SLC24A2: variants seen among roughly 807,000 people sequenced by gnomAD.
The protein encoded by SLC24A2 is solute carrier family 24 member 2.
In SLC24A2, 36 loss-of-function variants were observed where a neutral mutation model predicts 62.0. The ratio of observed to expected loss-of-function variants is 0.58; its 90% CI spans 0.44 to 0.77. SLC24A2 has a LOEUF of 0.77. Ranked by LOEUF, SLC24A2 falls within the 30% of genes least tolerant of loss-of-function variation. The pLI is 0.00. For synonymous variants in SLC24A2, 358 were observed against 294.0 expected (o/e 1.22, Z -2.23); for missense variants, 846 against 817.9 (o/e 1.03, Z -0.42).
At chr9:20,258,800 C>CT in the SLC24A2 span, among the ~76,000 whole-genome samples, 1 of 128,836 alleles carries the variant, frequency 7.8e-6, no homozygotes, top group South Asian at 3.3e-4. Flanking sequence ...ATCTATCTAT[C>CT]TATCTATCTA....
At chr9:20,154,385 G>A in the SLC24A2 span, among the ~76,000 whole-genome samples, 2 of 151,744 alleles carry the variant, frequency 1.3e-5, no homozygotes, top group Non-Finnish European at 2.9e-5. Context: ...TGATTGGTGG[G>A]ACAGATGAAA....
the SLC24A2 span, among the ~76,000 whole-genome samples, chr9:20,189,162 C>G: frequency 6.7e-6 from 1 of 148,864 alleles, no homozygotes; most frequent in African/African-American, 2.5e-5. Flanking sequence ...TTGGGAAAAG[C>G]AAGAAGTTGG....
chr9:19,854,754 A>G, the SLC24A2 span, among the ~76,000 whole-genome samples: 2 of 152,144 alleles, frequency 1.3e-5, no homozygotes, highest in Non-Finnish European at 2.9e-5. Flanking sequence ...GTGCTGAAAA[A>G]ATATATATTC....
chr9:20,162,466 T>C, the SLC24A2 span, among the ~76,000 whole-genome samples: 1 of 151,952 alleles, frequency 6.6e-6, no homozygotes, highest in African/African-American at 2.4e-5. Context: ...AATAACAGGC[T>C]CTGAAATTGT....
the SLC24A2 span, among the ~76,000 whole-genome samples, chr9:20,050,794 T>A: frequency 6.6e-6 from 1 of 152,186 alleles, no homozygotes; most frequent in African/African-American, 2.4e-5. Context: ...GTGATGCAAC[T>A]AATATAAAGC....
intron 2 of SLC24A2, among the ~76,000 whole-genome samples, chr9:19,631,752 G>A (rs1818185137): frequency 6.6e-6 from 1 of 152,142 alleles, no homozygotes; most frequent in Non-Finnish European, 1.5e-5. Context: ...CTACAGTATG[G>A]TCAGCGGAAA....
At chr9:20,072,505 T>C in the SLC24A2 span, among the ~76,000 whole-genome samples, 4 of 152,202 alleles carry the variant, frequency 2.6e-5, no homozygotes, top group South Asian at 2.1e-4. Context: ...TATATGTATA[T>C]GGTTATATAG....
At chr9:19,563,378 T>TA (rs1408260440) in intron 7 of SLC24A2, among the ~76,000 whole-genome samples, 1 of 149,530 alleles carries the variant, frequency 6.7e-6, no homozygotes, top group Non-Finnish European at 1.5e-5. Context: ...ACCTGACTGT[T>TA]ACCCCTTAAT....
chr9:19,573,104 G>A (rs1397081157), intron 7 of SLC24A2, among the ~76,000 whole-genome samples: 1 of 152,176 alleles, frequency 6.6e-6, no homozygotes, highest in East Asian at 1.9e-4. Context: ...TGATGCATGA[G>A]TCCTTCAACC....
intron 8 of SLC24A2, among the ~76,000 whole-genome samples, chr9:19,541,835 C>T (rs951974894): frequency 6.6e-6 from 1 of 151,202 alleles, no homozygotes; most frequent in Non-Finnish European, 1.5e-5. Context: ...TGATCTCAGA[C>T]TGCTGTGCTA....
At chr9:20,065,478 C>A in the SLC24A2 span, among the ~76,000 whole-genome samples, 3 of 152,256 alleles carry the variant, frequency 2.0e-5, no homozygotes, top group African/African-American at 7.2e-5. Context: ...GGGGAGGTGA[C>A]CCTCACAGGA....
At chr9:19,702,105 C>CT (rs373874903) in intron 2 of SLC24A2, among the ~76,000 whole-genome samples, 1 of 152,132 alleles carries the variant, frequency 6.6e-6, no homozygotes, top group African/African-American at 2.4e-5. Flanking sequence ...AATAAAACTC[C>CT]TTTTTTGAGA....
chr9:20,129,258 T>C, the SLC24A2 span, among the ~76,000 whole-genome samples: 2 of 152,062 alleles, frequency 1.3e-5, no homozygotes. Flanking sequence ...TTCACACCCA[T>C]GAGAATGGCT....
the SLC24A2 span, among the ~76,000 whole-genome samples, chr9:19,982,676 C>T: frequency 6.6e-6 from 1 of 152,114 alleles, no homozygotes; most frequent in Non-Finnish European, 1.5e-5. Flanking sequence ...CACTTCCTAA[C>T]TTATTCTATA....
At chr9:19,533,818 G>A (rs1833822186) in intron 8 of SLC24A2, among the ~76,000 whole-genome samples, 1 of 152,140 alleles carries the variant, frequency 6.6e-6, no homozygotes, top group Non-Finnish European at 1.5e-5. Flanking sequence ...CTGATACAAG[G>A]TCAAATCTAA....
At chr9:20,242,771 T>TA in the SLC24A2 span, among the ~76,000 whole-genome samples, 1 of 152,330 alleles carries the variant, frequency 6.6e-6, no homozygotes, top group East Asian at 1.9e-4. Flanking sequence ...ATTGCTCCAT[T>TA]AATGGCTTTG....
the SLC24A2 span, among the ~76,000 whole-genome samples, chr9:20,083,779 A>G: frequency 6.6e-6 from 1 of 152,202 alleles, no homozygotes; most frequent in Admixed American, 6.5e-5. Context: ...CTCTCTGCCT[A>G]CATTAGAGCC....
At chr9:20,033,907 C>G in the SLC24A2 span, among the ~76,000 whole-genome samples, 2 of 152,192 alleles carry the variant, frequency 1.3e-5, no homozygotes, top group Non-Finnish European at 2.9e-5. Context: ...CTTTAATAAA[C>G]TTGTTTTCAC....
At chr9:19,948,910 T>A in the SLC24A2 span, among the ~76,000 whole-genome samples, 2,181 of 151,448 alleles carry the variant, frequency 0.014, 25 homozygotes, top group Non-Finnish European at 0.022. Flanking sequence ...AGATTTAAAA[T>A]GTTTATTGTT....
Sources: gnomAD v4.1 joint callset for allele counts (sites outside exome capture counted in the v4.1 genomes callset) on GRCh38, gnomAD v4.1.1 for gene constraint, MANE v1.5 for transcripts, NCBI Gene and HGNC (gene_info 2026-07-23, HGNC 2026-07-21) for gene names.